Variants in ERICH2 observed in about 807,000 individuals in gnomAD.
ERICH2 encodes glutamate-rich protein 2.
A neutral mutation model predicts 17.4 loss-of-function variants in ERICH2; 17 were observed. The observed-to-expected ratio is 0.98, with a 90% CI of 0.67 to 1.47. The LOEUF is 1.47. Among genes scored for constraint, ERICH2 ranks in the 40% most tolerant of loss-of-function variants. The pLI, the probability that ERICH2 is intolerant of heterozygous loss-of-function variation, is 0.00. For missense variants in ERICH2, 186 were observed against 183.2 expected, an observed-to-expected ratio of 1.01 and a Z score of -0.09; for synonymous variants, 51 against 61.1, an observed-to-expected ratio of 0.83 and a Z score of 0.77.
At chr2:170,783,700 T>G, upstream of ERICH2, 1 of 1,272,022 alleles carries the variant, frequency 7.9e-7, no homozygotes, top group South Asian at 1.4e-5. Flanking sequence ...TGCTAACTGT[T>G]TGTGAAGTAA....
At chr2:170,771,129 G>A in the ERICH2 span, 7,565 of 154,620 alleles carry the variant, frequency 0.049, 271 homozygotes, top group South Asian at 0.12. This position sits in a 1 kb window ranked among gnomAD's most constrained non-coding sequence, Gnocchi z 4.8. Flanking sequence ...CGAGCAGCTA[G>A]CCGGGCTGGC....
chr2:170,798,519 A>G (rs1701485313), intron 4 of ERICH2, among the ~76,000 whole-genome samples: 1 of 152,268 alleles, frequency 6.6e-6, no homozygotes, highest in African/African-American at 2.4e-5. Flanking sequence ...ATCGTTAAAT[A>G]GAATTTCATT....
chr2:170,791,463 G>A (rs987838664), intron 2 of ERICH2, among the ~76,000 whole-genome samples: 15 of 151,044 alleles, frequency 9.9e-5, no homozygotes, highest in East Asian at 2.0e-4. Flanking sequence ...AGGCCGAGGC[G>A]GGCGGATCAC....
At chr2:170,779,754 A>G (rs950807401), upstream of ERICH2, 3 of 716,112 alleles carry the variant, frequency 4.2e-6, no homozygotes, top group African/African-American at 5.7e-5. Flanking sequence ...TCTAAAATGA[A>G]TAATGAGCTA....
chr2:170,786,427 A>T (rs911945243), intron 2 of ERICH2, among the ~76,000 whole-genome samples: 1 of 151,748 alleles, frequency 6.6e-6, no homozygotes, highest in Non-Finnish European at 1.5e-5. Context: ...TCTTATAAAA[A>T]TTTTTTCTTC....
chr2:170,786,089 C>T (rs898371400), intron 2 of ERICH2, among the ~76,000 whole-genome samples: 3 of 151,336 alleles, frequency 2.0e-5, no homozygotes, highest in African/African-American at 7.3e-5. Context: ...TTCAAATGTC[C>T]TTTATATTTA....
At chr2:170,784,974 T>A in intron 2 of ERICH2, 141 bp downstream of exon 7, 1 of 658,670 alleles carries the variant, frequency 1.5e-6, no homozygotes. Context: ...TACCAGAAGC[T>A]GGACGGGAAG....
exon 1 of ERICH2, chr2:170,783,792 G>T: frequency 6.5e-7 from 1 of 1,550,368 alleles, no homozygotes; most frequent in Non-Finnish European, 8.7e-7. Context: ...CATTGAGTCA[G>T]TCTACAGGCT....
upstream of ERICH2, among the ~76,000 whole-genome samples, chr2:170,780,560 A>G (rs531927133): frequency 2.0e-5 from 3 of 152,332 alleles, no homozygotes; most frequent in South Asian, 6.2e-4. Context: ...CAGTTATTCA[A>G]ATACCCAGAA....
exon 2 of ERICH2, chr2:170,784,741 G>A (rs1701113893): frequency 6.5e-7 from 1 of 1,546,722 alleles, no homozygotes; most frequent in Non-Finnish European, 8.7e-7. Context: ...ATCAGCAGAG[G>A]ATGATGGTGA....
chr2:170,789,932 A>G (rs976802236), intron 2 of ERICH2, among the ~76,000 whole-genome samples: 18 of 152,204 alleles, frequency 1.2e-4, no homozygotes, highest in African/African-American at 4.1e-4. Context: ...AGGTGGGGAA[A>G]GAGTGTGTGG....
At chr2:170,792,808 G>C in intron 2 of ERICH2, 55 bp from the exon 8 acceptor site, 1 of 1,126,384 alleles carries the variant, frequency 8.9e-7, no homozygotes, top group Non-Finnish European at 1.2e-6. Flanking sequence ...TTTCTAGGGA[G>C]TTTAGAGTTG....
intron 2 of ERICH2, among the ~76,000 whole-genome samples, chr2:170,791,857 G>A (rs1018393580): frequency 4.0e-5 from 6 of 151,882 alleles, no homozygotes; most frequent in African/African-American, 7.3e-5. Context: ...TGAGAAAACT[G>A]GTAGAGAACT....
intron 2 of ERICH2, among the ~76,000 whole-genome samples, chr2:170,789,117 T>C (rs984543117): frequency 4.0e-5 from 6 of 148,436 alleles, no homozygotes; most frequent in African/African-American, 1.5e-4. Flanking sequence ...TGCACCACCA[T>C]GCCTGGCTAA....
At chr2:170,771,510 A>G in the ERICH2 span, 1 of 152,160 alleles carries the variant, frequency 6.6e-6, no homozygotes, top group African/African-American at 2.4e-5. This position sits in a 1 kb window ranked among gnomAD's most constrained non-coding sequence, Gnocchi z 4.8. Context: ...CCATTCTTTG[A>G]CCGGCCGGTG....
chr2:170,778,855 G>T (rs182088849), upstream of ERICH2, among the ~76,000 whole-genome samples: 67 of 152,312 alleles, frequency 4.4e-4, 1 homozygote, highest in African/African-American at 1.5e-3. Flanking sequence ...GATAAGCAGT[G>T]TTGGAACTGG....
upstream of ERICH2, chr2:170,779,871 T>G (rs1159340572): frequency 1.0e-5 from 10 of 981,312 alleles, no homozygotes; most frequent in Non-Finnish European, 1.1e-5. Context: ...TAAATGTAGC[T>G]AAAACATTCT....
chr2:170,771,151 G>C, the ERICH2 span: 1 of 154,784 alleles, frequency 6.5e-6, no homozygotes, highest in South Asian at 2.0e-4. The surrounding 1 kb of genome is among the most constrained non-coding windows in gnomAD (Gnocchi z 4.8). Flanking sequence ...CTCGGTGTGT[G>C]CCCTTCGGAT....
At chr2:170,794,105 C>CTTTTTTTTT (rs59152667) in intron 3 of ERICH2, among the ~76,000 whole-genome samples, 166 of 88,144 alleles carry the variant, frequency 1.9e-3, no homozygotes, top group Non-Finnish European at 2.2e-3. Context: ...TCCTTTCTTT[C>CTTTTTTTTT]TTTTTTTTTT....
Sources: gnomAD v4.1 joint callset for allele counts (sites outside exome capture counted in the v4.1 genomes callset) on GRCh38, gnomAD v4.1.1 for gene constraint, Gnocchi (gnomAD v3.1) non-coding constraint, MANE v1.5 for transcripts, NCBI Gene and HGNC (gene_info 2026-07-23, HGNC 2026-07-21) for gene names.